UHRF2: variants seen among roughly 807,000 people sequenced by gnomAD.
The protein encoded by UHRF2 is E3 ubiquitin-protein ligase UHRF2.
In UHRF2, 23 loss-of-function variants were observed where a neutral mutation model predicts 96.8. The ratio of observed to expected loss-of-function variants is 0.24; its 90% confidence interval spans 0.17 to 0.34. The LOEUF is 0.34. Ranked by LOEUF, UHRF2 falls within the 10% of genes least tolerant of loss-of-function variation. The pLI is 1.00. For synonymous variants in UHRF2, 385 were observed against 332.6 expected (o/e 1.16, Z -1.72); for missense variants, 685 against 981.5 (o/e 0.70, Z 4.04).
intron 10 of UHRF2, chr9:6,494,480 A>G (rs1467515197): frequency 6.6e-6 from 1 of 152,196 alleles, no homozygotes; most frequent in Non-Finnish European, 1.5e-5. Flanking sequence ...CCCTTAAGAC[A>G]TTACAAAAGA....
rs1819400157 is a variant in UHRF2, at chr9:6,413,362, C to T, written c.-129C>T. The T allele has an allele frequency of 4.1e-6, 4 of 975,882 alleles. No homozygotes were observed. The highest frequency in any genetic ancestry group is 2.6e-6 in the Non-Finnish European group (2 of 771,328). 60.5% of individuals were successfully genotyped at this position (975,882 alleles called of 1,614,324 possible). On this transcript the variant is annotated 5_prime_UTR_variant, in exon 1 of 16. Transcript: ENST00000276893. ...CTGTCGGGCCCGGCGTCCGGTCGGTCCGGTGGGCGCGCTCGCCCGCCTGCC... is the reference window on the plus strand; with the variant it reads ...CTGTCGGGCCCGGCGTCCGGTCGGTTCGGTGGGCGCGCTCGCCCGCCTGCC...
chr9:6,421,373 C>T (rs937925206), intron 2 of UHRF2, among the ~76,000 whole-genome samples: 4 of 152,098 alleles, frequency 2.6e-5, no homozygotes, highest in African/African-American at 7.2e-5. Flanking sequence ...TGTGTAATTG[C>T]ACCAAGGTTA....
At chr9:6,424,230 T>C (rs1351634726) in intron 2 of UHRF2, among the ~76,000 whole-genome samples, 1 of 152,250 alleles carries the variant, frequency 6.6e-6, no homozygotes, top group East Asian at 1.9e-4. Flanking sequence ...CTAAAGTGGC[T>C]ATCTTCAAAG....
At chr9:6,416,535 C>CTTTTTTTTTTTTTTTTTTTTTTTTTTTT (rs60522189) in intron 1 of UHRF2, among the ~76,000 whole-genome samples, 2 of 64,932 alleles carry the variant, frequency 3.1e-5, no homozygotes, top group Non-Finnish European at 2.7e-5. Context: ...ATCTCTAAAT[C>CTTTTTTTTTTTTTTTTTTTTTTTTTTTT]TTTTTTTTTT....
chr9:6,479,150 G>T (rs141707244), intron 6 of UHRF2, among the ~76,000 whole-genome samples: 1 of 151,872 alleles, frequency 6.6e-6, no homozygotes, highest in Non-Finnish European at 1.5e-5. Context: ...TGCCTACCCC[G>T]TTCTCTGCTT....
intron 3 of UHRF2, among the ~76,000 whole-genome samples, chr9:6,454,379 G>A (rs970179629): frequency 1.3e-5 from 2 of 152,208 alleles, no homozygotes; most frequent in African/African-American, 4.8e-5. Flanking sequence ...ATTGAGGCTG[G>A]CAGGGACATT....
At chr9:6,491,904 T>G (rs1824680691) in intron 9 of UHRF2, among the ~76,000 whole-genome samples, 1 of 152,200 alleles carries the variant, frequency 6.6e-6, no homozygotes, top group Non-Finnish European at 1.5e-5. Flanking sequence ...TATTTTATTT[T>G]TATTTTTTAA....
intron 2 of UHRF2, among the ~76,000 whole-genome samples, chr9:6,428,043 A>G (rs1457646537): frequency 6.6e-6 from 1 of 152,210 alleles, no homozygotes; most frequent in Non-Finnish European, 1.5e-5. Context: ...CCTGGACTAA[A>G]TAATGACTGT....
chr9:6,449,378 C>G (rs1461627083), intron 3 of UHRF2: 1 of 152,252 alleles, frequency 6.6e-6, no homozygotes, highest in African/African-American at 2.4e-5. Context: ...TTGAACAGCA[C>G]TCAGGCTTTT....
At position 6,504,015 on chromosome 9, in the gene UHRF2, CTTTTTTTTTTTTTTT is replaced by C. The variant is rs35325264; in HGVS notation, c.2164-564_2164-550del. On this transcript the variant is annotated intron_variant, in intron 14 of 15. Transcript: ENST00000276893. ...GTACTTGATTTTTTTAAATAGAAGACTTTTTTTTTTTTTTTTTTTTTTTTTTTTAAGACCGAGTCT... is the reference window on the plus strand; with the variant it reads ...GTACTTGATTTTTTTAAATAGAAGACTTTTTTTTTTTTTAAGACCGAGTCT... Among the ~76,000 whole-genome samples, 7 of 78,942 alleles carry C rather than the reference CTTTTTTTTTTTTTTT, an allele frequency of 8.9e-5. No homozygotes were observed. The South Asian group carries it at 1.3e-3, about 15-fold the overall frequency. The allele number at this position is 78,942 out of a possible 152,430, so 51.8% of individuals were successfully genotyped here.
At chr9:6,449,169 G>T (rs1312030621) in intron 3 of UHRF2, among the ~76,000 whole-genome samples, 2 of 152,188 alleles carry the variant, frequency 1.3e-5, no homozygotes, top group African/African-American at 2.4e-5. Flanking sequence ...CTGACCAGCT[G>T]CAAGTAGTGC....
intron 8 of UHRF2, among the ~76,000 whole-genome samples, chr9:6,484,967 AT>A (rs942438645): frequency 6.6e-6 from 1 of 151,096 alleles, no homozygotes; most frequent in Non-Finnish European, 1.5e-5. Flanking sequence ...CTAATTTTGT[AT>A]TTTTAGTAGA....
At chr9:6,487,739 T>C (rs1244962304) in intron 9 of UHRF2, among the ~76,000 whole-genome samples, 1 of 152,220 alleles carries the variant, frequency 6.6e-6, no homozygotes, top group African/African-American at 2.4e-5. Flanking sequence ...TGACCTCAGA[T>C]GATCTGCGCA....
At chr9:6,418,731 A>G (rs890872683) in intron 1 of UHRF2, among the ~76,000 whole-genome samples, 3 of 152,296 alleles carry the variant, frequency 2.0e-5, no homozygotes, top group East Asian at 3.9e-4. Flanking sequence ...TCACTGTATC[A>G]TAGTGAAATT....
intron 4 of UHRF2, among the ~76,000 whole-genome samples, chr9:6,472,715 G>A (rs954560236): frequency 6.6e-6 from 1 of 152,172 alleles, no homozygotes; most frequent in Non-Finnish European, 1.5e-5. Context: ...TAACTAAAAC[G>A]TAGAAGGGAA....
At chr9:6,495,146 G>A (rs545989233) in intron 10 of UHRF2, 1 of 152,202 alleles carries the variant, frequency 6.6e-6, no homozygotes, top group African/African-American at 2.4e-5. Flanking sequence ...CGATAATTTT[G>A]CTTGAAAGGA....
At chr9:6,433,689 C>G (rs1209767866) in intron 2 of UHRF2, among the ~76,000 whole-genome samples, 1 of 152,178 alleles carries the variant, frequency 6.6e-6, no homozygotes, top group Non-Finnish European at 1.5e-5. Context: ...ACACCTATTT[C>G]ATTGAAGGAA....
At chr9:6,486,765 TA>T (rs771792787) in intron 8 of UHRF2, 55 bp from the exon 9 acceptor site, 9 of 1,546,684 alleles carry the variant, frequency 5.8e-6, no homozygotes, top group Non-Finnish European at 8.0e-6. Flanking sequence ...AAGCATTTTG[TA>T]AATGTATCTT....
intron 9 of UHRF2, among the ~76,000 whole-genome samples, chr9:6,488,540 C>CTTTTTTTTTTTTT (rs58280407): frequency 6.0e-3 from 501 of 83,782 alleles, no homozygotes; most frequent in Non-Finnish European, 6.8e-3. Context: ...TTTTTCTTTT[C>CTTTTTTTTTTTTT]TTTTTTTTTT....
Sources: gnomAD v4.1 joint callset for allele counts (sites outside exome capture counted in the v4.1 genomes callset) on GRCh38, gnomAD v4.1.1 for gene constraint, MANE v1.5 for transcripts, NCBI Gene and HGNC (gene_info 2026-07-23, HGNC 2026-07-21) for gene names.